Variants in MOB3B observed in about 807,000 individuals in gnomAD.
MOB3B encodes MOB kinase activator 3B, also known as MOB kinase activator-like 2B.
In MOB3B, 7 loss-of-function variants were observed where a neutral mutation model predicts 18.7. The observed-to-expected ratio is 0.37, with a 90% CI of 0.21 to 0.70. MOB3B has a LOEUF of 0.70. MOB3B is among the 30% of genes least tolerant of loss of function. MOB3B has a pLI of 0.52. For synonymous variants in MOB3B, 111 were observed against 99.9 expected (o/e 1.11, Z -0.66); for missense variants, 253 against 281.3 (o/e 0.90, Z 0.72).
At chr9:27,384,222 T>C (rs1466084133) in intron 2 of MOB3B, among the ~76,000 whole-genome samples, 1 of 152,118 alleles carries the variant, frequency 6.6e-6, no homozygotes, top group Non-Finnish European at 1.5e-5. Context: ...GACACCCACA[T>C]CTCTGCCTCT....
At chr9:27,529,367 G>C (rs768370358) in intron 1 of MOB3B, among the ~76,000 whole-genome samples, 188 bp downstream of exon 1, 92 of 152,298 alleles carry the variant, frequency 6.0e-4, no homozygotes, top group Non-Finnish European at 1.1e-3. Flanking sequence ...CGCCGGCAGG[G>C]GTCTGAAGAG....
intron 1 of MOB3B, among the ~76,000 whole-genome samples, chr9:27,507,450 A>C (rs776902328): frequency 7.0e-4 from 107 of 152,320 alleles, no homozygotes; most frequent in Non-Finnish European, 1.2e-3. Context: ...TGGTGCTTAC[A>C]ATGCGCACTC....
intron 1 of MOB3B, among the ~76,000 whole-genome samples, chr9:27,458,416 C>T (rs1320886919): frequency 2.0e-5 from 3 of 151,952 alleles, no homozygotes; most frequent in East Asian, 1.9e-4. Context: ...TAAAGCCTTG[C>T]GTGGACTGGC....
chr9:27,517,853 C>T (rs1030502719), intron 1 of MOB3B, among the ~76,000 whole-genome samples: 1 of 151,968 alleles, frequency 6.6e-6, no homozygotes, highest in African/African-American at 2.4e-5. Context: ...ATATAAATAA[C>T]TTAATTTCAG....
At chr9:27,479,488 A>AAG (rs1819613719) in intron 1 of MOB3B, among the ~76,000 whole-genome samples, 1 of 152,212 alleles carries the variant, frequency 6.6e-6, no homozygotes, top group Non-Finnish European at 1.5e-5. Flanking sequence ...CATACCAAAA[A>AAG]AGAGAGACTA....
chr9:27,465,827 G>T (rs763911315), intron 1 of MOB3B, among the ~76,000 whole-genome samples: 1 of 152,122 alleles, frequency 6.6e-6, no homozygotes, highest in Non-Finnish European at 1.5e-5. Flanking sequence ...TGGCCCTTTC[G>T]GCCACAGCTG....
chr9:27,526,490 C>T (rs907513845), intron 1 of MOB3B: 13 of 152,264 alleles, frequency 8.5e-5, no homozygotes, highest in African/African-American at 3.1e-4. Context: ...TGCCTGTTCT[C>T]TCTAATAACT....
At position 27,326,839 on chromosome 9, in the gene MOB3B, A is replaced by G. The variant is rs1420317523; in HGVS notation, c.*3748T>C. 2 of 349,540 alleles carry G rather than the reference A, an allele frequency of 5.7e-6. No homozygotes were observed. The highest frequency in any genetic ancestry group is 1.0e-5 in the Non-Finnish European group (2 of 196,030). 21.7% of individuals were successfully genotyped at this position (349,540 alleles called of 1,614,324 possible). ...TGCACCATCACCATGAAATTTTAAT[A>G]CCACATAAATACTTTGTATCTGTTT... On this transcript the variant is annotated 3_prime_UTR_variant, in exon 4 of 4. Transcript: ENST00000262244.
intron 1 of MOB3B, among the ~76,000 whole-genome samples, chr9:27,525,452 G>T (rs1343550113): frequency 6.6e-6 from 1 of 152,130 alleles, no homozygotes; most frequent in Non-Finnish European, 1.5e-5. Context: ...CTCCTGCTCG[G>T]GGGGAAAAAG....
chr9:27,473,521 C>T (rs1819505409), intron 1 of MOB3B, among the ~76,000 whole-genome samples: 1 of 152,076 alleles, frequency 6.6e-6, no homozygotes, highest in Admixed American at 6.5e-5. Flanking sequence ...AGTCGCTAAA[C>T]TAATCCACAT....
chr9:27,334,769 C>T (rs1038467115), intron 3 of MOB3B, among the ~76,000 whole-genome samples: 16 of 152,218 alleles, frequency 1.1e-4, no homozygotes, highest in Admixed American at 6.5e-4. Flanking sequence ...AAGAAATCAA[C>T]GCTCTCAGTT....
intron 1 of MOB3B, among the ~76,000 whole-genome samples, chr9:27,475,978 C>T (rs1587242765): frequency 6.6e-6 from 1 of 152,174 alleles, no homozygotes; most frequent in Non-Finnish European, 1.5e-5. Context: ...CAGGCCACTG[C>T]CCTCTTCAAG....
intron 2 of MOB3B, among the ~76,000 whole-genome samples, chr9:27,436,639 T>C (rs913552363): frequency 6.6e-6 from 1 of 152,208 alleles, no homozygotes; most frequent in African/African-American, 2.4e-5. Context: ...AAAATGGCAA[T>C]GCTTCAGACT....
intron 2 of MOB3B, among the ~76,000 whole-genome samples, chr9:27,359,919 G>C (rs1225485832): frequency 6.6e-6 from 1 of 152,194 alleles, no homozygotes; most frequent in Admixed American, 6.5e-5. Context: ...TGCTTAAGCT[G>C]TTTTGTTATT....
At chr9:27,372,706 T>C (rs747967764) in intron 2 of MOB3B, among the ~76,000 whole-genome samples, 4 of 152,224 alleles carry the variant, frequency 2.6e-5, no homozygotes, top group Admixed American at 6.5e-5. Flanking sequence ...ACAAAACATC[T>C]GACTGGTAGT....
chr9:27,391,002 T>C (rs1046023879), intron 2 of MOB3B, among the ~76,000 whole-genome samples: 1 of 152,146 alleles, frequency 6.6e-6, no homozygotes, highest in Admixed American at 6.5e-5. Flanking sequence ...TGAGAAACTG[T>C]GTTTACAAGT....
intron 2 of MOB3B, among the ~76,000 whole-genome samples, chr9:27,454,503 G>A (rs920775929): frequency 2.0e-5 from 3 of 152,246 alleles, no homozygotes; most frequent in African/African-American, 4.8e-5. Context: ...AGGCAGAGAA[G>A]ACTGACTGGT....
At chr9:27,335,018 G>A (rs886728268) in intron 3 of MOB3B, among the ~76,000 whole-genome samples, 2 of 152,080 alleles carry the variant, frequency 1.3e-5, no homozygotes, top group Non-Finnish European at 2.9e-5. Context: ...AGTTAGCCAG[G>A]ATGGTCTCGA....
chr9:27,365,659 A>T (rs1439434832), intron 2 of MOB3B, among the ~76,000 whole-genome samples: 1 of 152,146 alleles, frequency 6.6e-6, no homozygotes, highest in African/African-American at 2.4e-5. Context: ...TCTCTATCCT[A>T]CCCTGAGCTA....
Sources: allele counts gnomAD v4.1 joint callset (sites outside exome capture counted in the v4.1 genomes callset), GRCh38; gene constraint gnomAD v4.1.1; transcripts MANE v1.5; gene names NCBI Gene and HGNC (gene_info 2026-07-23, HGNC 2026-07-21).